The following WDR12 variants were observed in gnomAD, a reference collection of about 807,000 sequenced individuals.
WDR12 encodes ribosome biogenesis protein WDR12.
In WDR12, 42 loss-of-function variants were observed where a neutral mutation model predicts 64.3. The observed-to-expected ratio is 0.65, with a 90% CI of 0.51 to 0.84. WDR12 has a LOEUF of 0.84. Among genes scored for constraint, WDR12 ranks in the 40% least tolerant of loss-of-function variants. The pLI, the probability that WDR12 is intolerant of heterozygous loss-of-function variation, is 0.00. For missense variants in WDR12, 469 were observed against 494.6 expected, an observed-to-expected ratio of 0.95 and a Z score of 0.49; for synonymous variants, 158 against 173.3, an observed-to-expected ratio of 0.91 and a Z score of 0.70.
chr2:202,911,385 T>C (rs1331891846), intron 1 of WDR12, 51 bp downstream of exon 1: 1 of 1,577,736 alleles, frequency 6.3e-7, no homozygotes, highest in Non-Finnish European at 8.7e-7. Flanking sequence ...ACCAAAGGGG[T>C]GGTCGGAAAG....
chr2:202,889,746 C>T (rs1300855151), intron 8 of WDR12, among the ~76,000 whole-genome samples: 2 of 149,940 alleles, frequency 1.3e-5, no homozygotes, highest in Admixed American at 1.3e-4. Flanking sequence ...AAGACCCCAT[C>T]TCTTTAAAAA....
intron 2 of WDR12, among the ~76,000 whole-genome samples, chr2:202,907,325 T>C (rs1688476151): frequency 6.6e-6 from 1 of 152,214 alleles, no homozygotes; most frequent in African/African-American, 2.4e-5. Flanking sequence ...ATTAGTACAA[T>C]AGTATATATT....
Position 202,884,207 on chromosome 2 carries a change from G to A in WDR12, c.979C>T (p.Arg327Ter), listed in dbSNP as rs780121294. The A allele has an allele frequency of 6.2e-6, 10 of 1,612,540 alleles. No homozygotes were observed. Among genetic ancestry groups the A allele is most frequent in the East Asian group, 2.2e-5 (1 of 44,892 alleles). ...GGTTTACATGACTCACCTTTAGTTC[G>A]GGGATCCCACAGTCTGATATGCCTA... ...TDRHIRLWDP[R>*]TKDGSLVSLS... Residue 327 changes from arginine to a stop codon, truncating the protein, a stop_gained, in exon 10 of 13, where the codon CGA (arginine) becomes TGA (stop). Transcript: ENST00000261015. LOFTEE classifies it high-confidence loss of function.
chr2:202,894,815 T>C, intron 6 of WDR12, 189 bp from the exon 7 acceptor site: 1 of 466,486 alleles, frequency 2.1e-6, no homozygotes, highest in African/African-American at 2.0e-5. Flanking sequence ...GCCAAGCTTA[T>C]TGCCATGTCT....
chr2:202,898,279 T>C (rs1688288085), intron 4 of WDR12, among the ~76,000 whole-genome samples: 1 of 151,972 alleles, frequency 6.6e-6, no homozygotes, highest in African/African-American at 2.4e-5. Context: ...GCCTCCCGAG[T>C]AACTGGGACT....
chr2:202,910,166 T>C (rs1688541306), intron 1 of WDR12, among the ~76,000 whole-genome samples: 1 of 152,164 alleles, frequency 6.6e-6, no homozygotes, highest in South Asian at 2.1e-4. Flanking sequence ...ATGACATGTA[T>C]CCATTCATTT....
intron 2 of WDR12, among the ~76,000 whole-genome samples, chr2:202,906,577 C>T (rs1688460184): frequency 6.6e-6 from 1 of 152,200 alleles, no homozygotes; most frequent in Admixed American, 6.5e-5. Flanking sequence ...AATACACTTG[C>T]CTCTGGCTGG....
chr2:202,892,224 G>T (rs1688168534), intron 8 of WDR12, among the ~76,000 whole-genome samples: 1 of 152,148 alleles, frequency 6.6e-6, no homozygotes, highest in Admixed American at 6.5e-5. Flanking sequence ...TGATTTAGAA[G>T]ATATAACTAG....
chr2:202,891,517 G>C (rs912279378), intron 8 of WDR12, among the ~76,000 whole-genome samples: 3 of 152,096 alleles, frequency 2.0e-5, no homozygotes, highest in Admixed American at 6.6e-5. Context: ...CTTTCCTCTT[G>C]CAATTCATCA....
chr2:202,886,415 G>A (rs1021544881), intron 8 of WDR12, among the ~76,000 whole-genome samples: 4 of 152,026 alleles, frequency 2.6e-5, no homozygotes, highest in African/African-American at 9.7e-5. Context: ...CTGAGATTGT[G>A]CCACTGCACT....
intron 8 of WDR12, among the ~76,000 whole-genome samples, chr2:202,888,098 C>T (rs907289073): frequency 3.3e-5 from 5 of 152,266 alleles, no homozygotes; most frequent in Admixed American, 2.6e-4. Context: ...AATGATTAAA[C>T]CAACTGTGGC....
chr2:202,895,202 C>T (rs1360006465), intron 6 of WDR12, among the ~76,000 whole-genome samples: 1 of 152,168 alleles, frequency 6.6e-6, no homozygotes, highest in African/African-American at 2.4e-5. Context: ...GTCCAGAATA[C>T]TTCAATGTGG....
intron 8 of WDR12, among the ~76,000 whole-genome samples, chr2:202,886,231 TG>T (rs1382812791): frequency 8.9e-5 from 13 of 145,652 alleles, no homozygotes; most frequent in East Asian, 4.1e-4. Flanking sequence ...CCGAGGTGGG[TG>T]GATCACTTGA....
In WDR12 at chr2:202,888,320, G is replaced by A. The variant is rs145272187; in HGVS notation, c.742-3785C>T. Among the ~76,000 whole-genome samples the A allele has an allele frequency of 3.3e-5, 5 of 152,346 alleles. No individual in the cohort carries two copies. In the East Asian group the frequency reaches 9.6e-4, roughly 29 times the overall value. The stretch of plus-strand genomic sequence containing the variant: ...ATAGAGGTGGGAGGAAAGTTGACAA[G>A]AAGGGGCAATATGAGTTTTCAGGAA... On this transcript the variant is annotated intron_variant, in intron 8 of 12. Coordinates refer to ENST00000261015, the MANE Select transcript of WDR12 (RefSeq NM_018256.4).
At position 202,896,096 on chromosome 2, in the gene WDR12, T is replaced by C; in HGVS notation, c.578A>G (p.Asp193Gly). The part of the protein sequence containing the change: ...HCCRGHAGSV[D>G]SIAVDGSGTK... ...TCCTGAGCCATCAACAGCTATAGAATCTACACTTCCAGCATGACCTCTACA... is the reference window on the plus strand; with the variant it reads ...TCCTGAGCCATCAACAGCTATAGAACCTACACTTCCAGCATGACCTCTACA... The change falls in exon 6 of 13, where the codon GAT becomes GGT. Residue 193 changes from aspartate (D) to glycine (G), a missense_variant. By Grantham distance (94) the Asp-to-Gly change is moderately conservative. Transcript: ENST00000261015. 6.2e-7 allele frequency: 1 copy of C among 1,614,076 alleles called. No homozygotes were observed. The highest frequency in any genetic ancestry group is 1.1e-5 in the South Asian group (1 of 91,072).
intron 1 of WDR12, among the ~76,000 whole-genome samples, chr2:202,908,163 A>G (rs1250827923): frequency 1.3e-5 from 2 of 152,370 alleles, no homozygotes; most frequent in East Asian, 1.9e-4. Context: ...ATGAAGTTAT[A>G]TAAGAACAAT....
intron 2 of WDR12, among the ~76,000 whole-genome samples, chr2:202,903,446 TGGAAGGAAGGAAGGAAGGAA>T (rs150739013): frequency 0.19 from 18,605 of 97,164 alleles, 2,020 homozygotes; most frequent in East Asian, 0.52. Context: ...AGCAATCAGA[TGGAAGGAAGGAAGGAAGGAA>T]GGAAGGAAGG....
Position 202,897,904 on chromosome 2 carries a change from A to ATATATAT in WDR12, c.339-490_339-489insATATATA, listed in dbSNP as rs1488448623. 4.5e-3 allele frequency among the ~76,000 whole-genome samples: 203 copies of ATATATAT among 45,088 alleles called. 1 individual carries two copies. Among genetic ancestry groups the ATATATAT allele is most frequent in the South Asian group, 0.021 (17 of 802 alleles). 29.6% of individuals were successfully genotyped at this position (45,088 alleles called of 152,430 possible). ...ACTCCGTTTCAAAAAAAAAAAAAAA[A>ATATATAT]AAAAATATATATATATATATAAAAA... On this transcript the variant is annotated intron_variant, in intron 4 of 12. Transcript: ENST00000261015.
In WDR12 at chr2:202,878,186, T is replaced by G. The variant is rs914107750; in HGVS notation, c.*2674A>C. On this transcript the variant is annotated 3_prime_UTR_variant, in exon 13 of 13. Transcript: ENST00000261015. ...GGATTGGGAATAGGTGGGGACCAGT[T>G]CTGGATGCCATTTTATTCTTTGTCT... The G allele has an allele frequency of 2.6e-5, 4 of 152,234 alleles. No homozygotes were observed. Among genetic ancestry groups the G allele is most frequent in the African/African-American group, 7.2e-5 (3 of 41,448 alleles). 9.4% of individuals were successfully genotyped at this position (152,234 alleles called of 1,614,324 possible).
Sources: gnomAD v4.1 joint callset for allele counts (sites outside exome capture counted in the v4.1 genomes callset) on GRCh38, gnomAD v4.1.1 for gene constraint, MANE v1.5 for transcripts, NCBI Gene and HGNC (gene_info 2026-07-23, HGNC 2026-07-21) for gene names.